The following CEMP1 variants were observed in gnomAD, a reference collection of about 807,000 sequenced individuals.
CEMP1 encodes the protein cementum protein 1, also known as cementoblastoma-derived protein 1.
For missense variants in CEMP1, 387 were observed against 316.9 expected (o/e 1.22, Z -1.68); for synonymous variants, 161 against 128.6 (o/e 1.25, Z -1.71).
rs1467589857 is a variant in CEMP1 at position 2,530,319 on chromosome 16, G to A, written c.*11C>T. 4.3e-6 allele frequency: 7 copies of A among 1,614,104 alleles called. No homozygotes were observed. The highest frequency in any genetic ancestry group is 4.0e-5 in the African/African-American group (3 of 75,068). ...CTGGAGGGCAGTATGGGAGGCACCA[G>A]TGTGCCCTGCTCACCCCATTAGTGT... is the stretch of plus-strand genomic sequence containing the variant. On this transcript the variant is annotated 3_prime_UTR_variant, in exon 1 of 1. Transcript: ENST00000567119.
chr16:2,530,772 G>A lies in CEMP1; in HGVS notation c.302C>T (p.Pro101Leu), dbSNP rs1200627704. The A allele has an allele frequency of 6.2e-6, 10 of 1,613,698 alleles. No homozygotes were observed. Among genetic ancestry groups the A allele is most frequent in the Non-Finnish European group, 8.5e-6 (10 of 1,179,956 alleles). Residue 101 changes from proline to leucine, a missense_variant, in exon 1 of 1, where the codon CCC becomes CTC. Coordinates refer to ENST00000567119, the MANE Select transcript of CEMP1 (RefSeq NM_001048212.3). Reference protein sequence around the residue: ...CGLRSTPCALPQALPQARPCP... With the variant: ...CGLRSTPCALLQALPQARPCP... ...GGGCCTCGCCTGAGGGAGGGCCTGG[G>A]GCAGGGCACAAGGGGTTGATCTCAG... is the stretch of plus-strand genomic sequence containing the variant.
Position 2,530,156 on chromosome 16 carries a change from C to T in CEMP1, c.*174G>A, listed in dbSNP as rs1473638758. ...TCCAGGAGGGAGACTGGGCCCGGGACCCCTGTTTTCTGCTCCCTGGACTGC... is the reference window on the plus strand; with the variant it reads ...TCCAGGAGGGAGACTGGGCCCGGGATCCCTGTTTTCTGCTCCCTGGACTGC... On this transcript the variant is annotated 3_prime_UTR_variant, in exon 1 of 1. Transcript: ENST00000567119. 4 of 1,430,750 alleles carry T rather than the reference C, an allele frequency of 2.8e-6. No homozygotes were observed. The highest frequency in any genetic ancestry group is 2.5e-5 in the East Asian group (1 of 40,086). The allele number at this position is 1,430,750 out of a possible 1,614,324, so 88.6% of individuals were successfully genotyped here.
rs1314221910 is a variant in CEMP1, at chr16:2,530,920, G to T, written c.154C>A (p.Pro52Thr). The change falls in exon 1 of 1, where the codon CCA (proline) becomes ACA (threonine). Residue 52 changes from proline (P) to threonine (T), a missense_variant. Transcript: ENST00000567119. ...PGPAQAGAGQ[P>T]LPKGCAAVKA... ...ACGGCCGCGCACCCCTTAGGAAGTG[G>T]CTGTCCAGCGCCTGCCTGTGCTGGG... The T allele has an allele frequency of 1.2e-6, 2 of 1,613,246 alleles. No individual in the cohort carries two copies. The highest frequency in any genetic ancestry group is 2.7e-5 in the African/African-American group (2 of 74,918).
chr16:2,530,535 T>C lies in CEMP1; in HGVS notation c.539A>G (p.Glu180Gly), dbSNP rs772466643. ...GSHPPQNSNG[E>G]KVKTITPDVG... ...GTCAGGGGTGATTGTCTTGACTTTC[T>C]CTCCATTTGAGTTCTGGGGTGGGTG... Residue 180 changes from glutamate to glycine, a missense_variant, in exon 1 of 1, where the codon GAG becomes GGG. Coordinates refer to ENST00000567119, the MANE Select transcript of CEMP1 (RefSeq NM_001048212.3). 2 of 1,614,168 alleles carry C rather than the reference T, an allele frequency of 1.2e-6. No homozygotes were observed. The highest frequency in any genetic ancestry group is 2.2e-5 in the East Asian group (1 of 44,876).
In CEMP1 at chr16:2,530,773, G is replaced by C. The variant is rs1260445428; in HGVS notation, c.301C>G (p.Pro101Ala). 4 of 1,613,536 alleles carry C rather than the reference G, an allele frequency of 2.5e-6. No homozygotes were observed. In the African/African-American group the frequency reaches 4.0e-5, roughly 16 times the overall value. The change falls in exon 1 of 1, where the codon CCC becomes GCC. Residue 101 changes from proline (P) to alanine (A), a missense_variant. By Grantham distance (27) the Pro-to-Ala change is conservative (BLOSUM62 -1). Coordinates refer to ENST00000567119, the MANE Select transcript of CEMP1 (RefSeq NM_001048212.3). ...GGCCTCGCCTGAGGGAGGGCCTGGG[G>C]CAGGGCACAAGGGGTTGATCTCAGC... ...CGLRSTPCAL[P>A]QALPQARPCP...
In CEMP1 at chr16:2,530,376, T is replaced by C; in HGVS notation, c.698A>G (p.Gln233Arg). 1.2e-6 allele frequency: 2 copies of C among 1,614,184 alleles called. No homozygotes were observed. Among genetic ancestry groups the C allele is most frequent in the Non-Finnish European group, 8.5e-7 (1 of 1,180,014 alleles). Reference protein sequence around the residue: ...TARVCHMGVCQGQGDTEDGRM... With the variant: ...TARVCHMGVCRGQGDTEDGRM... The stretch of plus-strand genomic sequence containing the variant: ...GCCATCTTCTGTGTCCCCTTGGCCC[T>C]GGCACACACCCATGTGGCAAACACG... Residue 233 changes from glutamine (Q) to arginine (R), a missense_variant, in exon 1 of 1, where the codon CAG becomes CGG. Transcript: ENST00000567119.
At position 2,530,410 on chromosome 16, in the gene CEMP1, G is replaced by C. The variant is rs1222956788; in HGVS notation, c.664C>G (p.Leu222Val). Reference sequence around the variant, plus strand: ...CCCATGTGGCAAACACGGGCCGTGAGGCTCCCTGAACAGCTTCGAGGCGGG... The same window carrying C: ...CCCATGTGGCAAACACGGGCCGTGACGCTCCCTGAACAGCTTCGAGGCGGG... ...AHPPRSCSGS[L>V]TARVCHMGVC... The change falls in exon 1 of 1, where the codon CTC (leucine) becomes GTC (valine). Residue 222 changes from leucine to valine, a missense_variant. Coordinates refer to ENST00000567119, the MANE Select transcript of CEMP1 (RefSeq NM_001048212.3). The C allele has an allele frequency of 1.9e-6, 3 of 1,614,226 alleles. No homozygotes were observed. The highest frequency in any genetic ancestry group is 2.2e-5 in the East Asian group (1 of 44,886).
chr16:2,530,152 G>A lies in CEMP1; in HGVS notation c.*178C>T, dbSNP rs561108066. On this transcript the variant is annotated 3_prime_UTR_variant, in exon 1 of 1. Transcript: ENST00000567119. ...GACCTCCAGGAGGGAGACTGGGCCC[G>A]GGACCCCTGTTTTCTGCTCCCTGGA... 10 of 1,426,242 alleles carry A rather than the reference G, an allele frequency of 7.0e-6. No individual in the cohort carries two copies. Among genetic ancestry groups the A allele is most frequent in the East Asian group, 5.0e-5 (2 of 40,074 alleles). The allele number at this position is 1,426,242 out of a possible 1,614,324, so 88.3% of individuals were successfully genotyped here. A position where few individuals can be genotyped will look rare whatever the true frequency, so the allele number is the denominator to read the frequency against.
chr16:2,530,239 C>G lies in CEMP1; in HGVS notation c.*91G>C, dbSNP rs754197670. The G allele has an allele frequency of 6.3e-6, 10 of 1,595,138 alleles. No homozygotes were observed. In the African/African-American group the frequency reaches 8.0e-5, roughly 13 times the overall value. ...TGTTTTCTCTTCTCAATAACCCTAT[C>G]TCTTCACACATCCCCAGGCCCAGTG... is the stretch of plus-strand genomic sequence containing the variant. On this transcript the variant is annotated 3_prime_UTR_variant, in exon 1 of 1. Coordinates refer to ENST00000567119, the MANE Select transcript of CEMP1 (RefSeq NM_001048212.3).
In CEMP1 at chr16:2,530,719, AGCCAGGGAAGAACCACCT is replaced by A. The variant is rs1255031890; in HGVS notation, c.337_354del (p.Arg113_Gly118del). The A allele has an allele frequency of 6.2e-7, 1 of 1,614,020 alleles. No homozygotes were observed. The highest frequency in any genetic ancestry group is 1.3e-5 in the African/African-American group (1 of 75,052). ...TGGGCCCCACCTGTTGGAAGGGAACAGCCAGGGAAGAACCACCTGCCTGGGCAGGGCCTCGCCTGAGGG... is the reference window on the plus strand; with the variant it reads ...TGGGCCCCACCTGTTGGAAGGGAACAGCCTGGGCAGGGCCTCGCCTGAGGG... On this transcript the variant is annotated inframe_deletion, in exon 1 of 1. Coordinates refer to ENST00000567119, the MANE Select transcript of CEMP1 (RefSeq NM_001048212.3).
rs1338715879 is a variant in CEMP1 at position 2,530,701 on chromosome 16, C to T, written c.373G>A (p.Gly125Arg). 6.2e-7 allele frequency: 1 copy of T among 1,614,074 alleles called. No homozygotes were observed. Among genetic ancestry groups the T allele is most frequent in the East Asian group, 2.2e-5 (1 of 44,880 alleles). ...FFPGCSLPTG[G>R]AQTILSLWTW... ...CAAAGAGATAGGATGGTCTGGGCCC[C>T]ACCTGTTGGAAGGGAACAGCCAGGG... is the stretch of plus-strand genomic sequence containing the variant. The change falls in exon 1 of 1, where the codon GGG becomes AGG. Residue 125 changes from glycine to arginine, a missense_variant. Coordinates refer to ENST00000567119, the MANE Select transcript of CEMP1 (RefSeq NM_001048212.3).
In CEMP1 at chr16:2,530,972, G is replaced by C. The variant is rs762140660; in HGVS notation, c.102C>G (p.Ser34Arg). The change falls in exon 1 of 1, where the codon AGC (serine) becomes AGG (arginine). Residue 34 changes from serine to arginine, a missense_variant. Coordinates refer to ENST00000567119, the MANE Select transcript of CEMP1 (RefSeq NM_001048212.3). The part of the protein sequence containing the change: ...ENLTCLSLPG[S>R]PGKTAPLPGP... ...CTGGGAGAGGAGCTGTCTTGCCAGG[G>C]CTCCCAGGCAGGGAGAGGCAGGTGA... The C allele has an allele frequency of 5.0e-6, 8 of 1,613,370 alleles. No homozygotes were observed. Among genetic ancestry groups the C allele is most frequent in the Non-Finnish European group, 6.8e-6 (8 of 1,179,920 alleles).
intron 1 of CEMP1, chr16:2,530,864 G>GT (rs2066083994): frequency 1.2e-6 from 2 of 1,613,660 alleles, no homozygotes; most frequent in Non-Finnish European, 1.7e-6. Context: ...CCTGAGAGGT[G>GT]TGAGGTGCAG....
rs2066070359 is a variant in CEMP1 at position 2,530,299 on chromosome 16, G to A, written c.*31C>T. 1.2e-6 allele frequency: 2 copies of A among 1,613,894 alleles called. No homozygotes were observed. The highest frequency in any genetic ancestry group is 1.7e-6 in the Non-Finnish European group (2 of 1,179,952). ...TGTGGTGACCCTGCCTGGTGCTGGA[G>A]GGCAGTATGGGAGGCACCAGTGTGC... is the stretch of plus-strand genomic sequence containing the variant. On this transcript the variant is annotated 3_prime_UTR_variant, in exon 1 of 1. Coordinates refer to ENST00000567119, the MANE Select transcript of CEMP1 (RefSeq NM_001048212.3).
rs777059013 is a variant in CEMP1 at position 2,530,275 on chromosome 16, G to A, written c.*55C>T. 1.9e-6 allele frequency: 3 copies of A among 1,612,956 alleles called. No individual in the cohort carries two copies. Among genetic ancestry groups the A allele is most frequent in the Non-Finnish European group, 2.5e-6 (3 of 1,179,578 alleles). ...TCCCCAGGCCCAGTGCTTGCCGGCT[G>A]TGGTGACCCTGCCTGGTGCTGGAGG... On this transcript the variant is annotated 3_prime_UTR_variant, in exon 1 of 1. Transcript: ENST00000567119.
chr16:2,530,787 G>A lies in CEMP1; in HGVS notation c.287C>T (p.Thr96Ile). Residue 96 changes from threonine to isoleucine, a missense_variant, in exon 1 of 1, where the codon ACC becomes ATC. By Grantham distance (89) the Thr-to-Ile change is moderately conservative. Coordinates refer to ENST00000567119, the MANE Select transcript of CEMP1 (RefSeq NM_001048212.3). ...GAGGGCCTGGGGCAGGGCACAAGGG[G>A]TTGATCTCAGCCCACAAGCCCCAGG... ...AAPGACGLRS[T>I]PCALPQALPQ... 1.2e-6 allele frequency: 2 copies of A among 1,613,704 alleles called. No homozygotes were observed. Among genetic ancestry groups the A allele is most frequent in the Non-Finnish European group, 1.7e-6 (2 of 1,179,976 alleles).
In CEMP1 at chr16:2,530,808, C is replaced by G; in HGVS notation, c.266G>C (p.Gly89Ala). The change falls in exon 1 of 1, where the codon GGG becomes GCG. Residue 89 changes from glycine (G) to alanine (A), a missense_variant. Gly to Ala is a moderately conservative substitution (Grantham distance 60, BLOSUM62 0). Transcript: ENST00000567119. ...AGGGGTTGATCTCAGCCCACAAGCC[C>G]CAGGGGCAGCCCAGGAAAGCAGGCG... ...IRRLLSWAAP[G>A]ACGLRSTPCA... The G allele has an allele frequency of 5.0e-6, 8 of 1,613,754 alleles. No homozygotes were observed. The highest frequency in any genetic ancestry group is 6.8e-6 in the Non-Finnish European group (8 of 1,179,974).
chr16:2,530,375 C>G lies in CEMP1; in HGVS notation c.699G>C (p.Gln233His), dbSNP rs778444836. 1 of 1,614,214 alleles carries G rather than the reference C, an allele frequency of 6.2e-7. No homozygotes were observed. The highest frequency in any genetic ancestry group is 2.2e-5 in the East Asian group (1 of 44,888). ...TARVCHMGVC[Q>H]GQGDTEDGRM... ...TGCCATCTTCTGTGTCCCCTTGGCC[C>G]TGGCACACACCCATGTGGCAAACAC... Residue 233 changes from glutamine to histidine, a missense_variant, in exon 1 of 1, where the codon CAG becomes CAC. Gln to His is a conservative substitution (Grantham distance 24). Transcript: ENST00000567119.
Position 2,530,337 on chromosome 16 carries a change from A to T in CEMP1, c.737T>A (p.Met246Lys). The T allele has an allele frequency of 6.2e-7, 1 of 1,614,128 alleles. No individual in the cohort carries two copies. The change falls in exon 1 of 1, where the codon ATG (methionine) becomes AAG (lysine). Residue 246 changes from methionine to lysine, a missense_variant. Physicochemically the swap from Met to Lys is moderately conservative, Grantham distance 95 (BLOSUM62 -1). Coordinates refer to ENST00000567119, the MANE Select transcript of CEMP1 (RefSeq NM_001048212.3). ...GGCACCAGTGTGCCCTGCTCACCCC[A>T]TTAGTGTCATCCTGCCATCTTCTGT... ...GDTEDGRMTL[M>K]G is the part of the protein sequence containing the mutation.
Sources: allele counts gnomAD v4.1 joint callset, GRCh38; gene constraint gnomAD v4.1.1; transcripts MANE v1.5; gene names NCBI Gene and HGNC (gene_info 2026-07-23, HGNC 2026-07-21).